The following RTL9 variants were observed in gnomAD, a reference collection of about 807,000 sequenced individuals.
RTL9 encodes the protein retrotransposon Gag-like protein 9.
Under a neutral mutation model 44.7 loss-of-function variants are expected in RTL9, and 19 were observed. That is an observed-to-expected ratio of 0.42 (90% CI 0.30 to 0.62). The LOEUF (loss-of-function observed/expected upper bound fraction) is 0.62, where lower values mean the gene tolerates loss of function less well. Among genes scored for constraint, RTL9 ranks in the 20% least tolerant of loss-of-function variants. RTL9 has a pLI of 0.16. For missense variants in RTL9, 1,105 were observed against 1,080.6 expected, an observed-to-expected ratio of 1.02 and a Z score of -0.32; for synonymous variants, 407 against 398.9, an observed-to-expected ratio of 1.02 and a Z score of -0.24.
At chrX:110,433,697 A>C (rs2068815460) in intron 1 of RTL9, among the ~76,000 whole-genome samples, 2 of 111,709 alleles carry the variant, frequency 1.8e-5, no homozygotes, top group Admixed American at 1.9e-4. Flanking sequence ...AGCTTAGGAC[A>C]GTGACACTTT....
At chrX:110,415,065 G>T (rs775722753), upstream of RTL9, among the ~76,000 whole-genome samples, 8 of 112,082 alleles carry the variant, frequency 7.1e-5, no homozygotes, top group East Asian at 2.2e-3. Context: ...ATCCCAGTGT[G>T]TTATAATTTC....
chrX:110,379,119 G>A (rs1044965940), intron 1 of RTL9, among the ~76,000 whole-genome samples: 7 of 111,420 alleles, frequency 6.3e-5, no homozygotes, highest in African/African-American at 2.3e-4. Flanking sequence ...CATGATACTC[G>A]TTATCATACC....
rs904352397 is a variant in RTL9 at position 110,362,210 on chromosome X, G to T, written c.-168+3294G>T. 2.7e-5 allele frequency among the ~76,000 whole-genome samples: 3 copies of T among 111,637 alleles called. No homozygotes were observed. The Admixed American group carries it at 2.9e-4, about 11-fold the overall frequency. The stretch of plus-strand genomic sequence containing the variant: ...ACAAAATCTAGCTTTGGATGGGTTT[G>T]CAGCATATCAACTCTCCTTCCTTCT... On this transcript the variant is annotated intron_variant, in intron 1 of 2. Coordinates refer to the RTL9 transcript ENST00000520821.
intron 1 of RTL9, among the ~76,000 whole-genome samples, chrX:110,362,743 T>C (rs1394544159): frequency 1.8e-5 from 2 of 112,178 alleles, no homozygotes; most frequent in Non-Finnish European, 1.9e-5. Flanking sequence ...ACTAAAGATA[T>C]CCTGTAGTTA....
intron 1 of RTL9, among the ~76,000 whole-genome samples, chrX:110,431,323 C>CTGTGTGTGTGTGTG (rs759432836): frequency 2.6e-4 from 25 of 94,947 alleles, no homozygotes; most frequent in Admixed American, 4.6e-4. Flanking sequence ...GAGGGGAAGG[C>CTGTGTGTGTGTGTG]TGTGTGTGTG....
intron 1 of RTL9, among the ~76,000 whole-genome samples, chrX:110,368,774 G>A (rs767763061): frequency 5.4e-5 from 6 of 111,817 alleles, no homozygotes; most frequent in Non-Finnish European, 7.5e-5. Flanking sequence ...AGTGTGTAAT[G>A]TGGTAGCTGG....
chrX:110,388,803 G>A (rs2068475386), intron 1 of RTL9, among the ~76,000 whole-genome samples: 1 of 111,716 alleles, frequency 9.0e-6, no homozygotes, highest in African/African-American at 3.3e-5. Flanking sequence ...CCAAGTAGTT[G>A]GCTCAAGAGT....
intron 1 of RTL9, among the ~76,000 whole-genome samples, chrX:110,362,186 C>T (rs1361849021): frequency 1.8e-5 from 2 of 111,820 alleles, no homozygotes; most frequent in African/African-American, 6.5e-5. Flanking sequence ...GAATCCTGAA[C>T]AAAATCTAGC....
intron 1 of RTL9, among the ~76,000 whole-genome samples, chrX:110,423,199 A>T (rs1175878453): frequency 9.0e-6 from 1 of 111,038 alleles, no homozygotes; most frequent in Admixed American, 9.5e-5. Flanking sequence ...GTGGTGGAAC[A>T]TGCCTGTAAT....
At chrX:110,429,565 C>T (rs2068782223) in intron 1 of RTL9, among the ~76,000 whole-genome samples, 1 of 109,014 alleles carries the variant, frequency 9.2e-6, no homozygotes, top group African/African-American at 3.4e-5. Flanking sequence ...TCACTGCAAC[C>T]TCCGCCTCCT....
exon 1 of RTL9, chrX:110,452,243 A>G: frequency 8.3e-7 from 1 of 1,211,856 alleles, no homozygotes; most frequent in Non-Finnish European, 1.1e-6. Context: ...TGCAAATGAG[A>G]GCCCCTGTCT....
At chrX:110,434,913 C>T (rs1226352447) in intron 1 of RTL9, among the ~76,000 whole-genome samples, 2 of 109,253 alleles carry the variant, frequency 1.8e-5, no homozygotes, top group Non-Finnish European at 3.8e-5. Flanking sequence ...TGGGGGACAC[C>T]AGCCCGGAGT....
chrX:110,361,177 C>G (rs1443291110), intron 1 of RTL9, among the ~76,000 whole-genome samples: 1 of 111,241 alleles, frequency 9.0e-6, no homozygotes, highest in African/African-American at 3.3e-5. Flanking sequence ...TCCCTAAATA[C>G]CAATTTCATT....
chrX:110,391,608 C>T (rs2068494038), intron 1 of RTL9, among the ~76,000 whole-genome samples: 1 of 112,071 alleles, frequency 8.9e-6, no homozygotes, highest in Admixed American at 9.5e-5. Flanking sequence ...ATGTCTTCTG[C>T]TGTAATTTTC....
At chrX:110,387,885 G>A (rs1163505011) in intron 1 of RTL9, among the ~76,000 whole-genome samples, 2 of 87,009 alleles carry the variant, frequency 2.3e-5, no homozygotes, top group African/African-American at 4.7e-5. Context: ...TTTTTGAGAC[G>A]GTGTCTCACT....
At chrX:110,432,858 G>A in intron 1 of RTL9, among the ~76,000 whole-genome samples, 1 of 113,004 alleles carries the variant, frequency 8.8e-6, no homozygotes, top group East Asian at 2.8e-4. Flanking sequence ...TTGGCAAAGA[G>A]CTTTCACAGC....
rs142031687 is a variant in RTL9, at chrX:110,454,572, G to C, written c.3955G>C (p.Gly1319Arg). The C allele has an allele frequency of 3.5e-5, 42 of 1,210,259 alleles. No individual in the cohort carries two copies. The African/African-American group carries it at 6.3e-4, about 18-fold the overall frequency. The change falls in exon 1 of 2, where the codon GGC becomes CGC. Residue 1319 changes from glycine to arginine, a missense_variant. Gly to Arg is a moderately radical substitution (Grantham distance 125). Coordinates refer to ENST00000540313, the Ensembl canonical transcript of RTL9. Reference sequence around the variant, plus strand: ...GCTGGCTGAAGAGAAGGATTCCCCAGGCAACTCAAGCCAGGTTCTGCCAAC... The same window carrying C: ...GCTGGCTGAAGAGAAGGATTCCCCACGCAACTCAAGCCAGGTTCTGCCAAC...
chrX:110,370,314 T>C (rs2068329100), intron 1 of RTL9, among the ~76,000 whole-genome samples: 1 of 111,793 alleles, frequency 8.9e-6, no homozygotes, highest in Admixed American at 9.4e-5. Context: ...GTTCAAGCAA[T>C]TGTCCTGCCT....
Position 110,452,946 on chromosome X carries a change from C to T in RTL9, c.2329C>T (p.Pro777Ser), listed in dbSNP as rs35495390. 3,073 of 1,209,143 alleles carry T rather than the reference C, an allele frequency of 2.5e-3. 41 individuals carry two copies. The African/African-American group carries it at 0.048, about 19-fold the overall frequency. The stretch of plus-strand genomic sequence containing the variant: ...CACACCACTAATGAGAACCTCAGAC[C>T]CTGGAGAGAGGCCCTCACTGCTCAC... Residue 777 changes from proline to serine, a missense_variant, in exon 1 of 2, where the codon CCT becomes TCT. By Grantham distance (74) the Pro-to-Ser change is moderately conservative. Coordinates refer to ENST00000540313, the Ensembl canonical transcript of RTL9.
Sources: allele counts gnomAD v4.1 joint callset (sites outside exome capture counted in the v4.1 genomes callset), GRCh38; gene constraint gnomAD v4.1.1; transcripts MANE v1.5; gene names NCBI Gene and HGNC (gene_info 2026-07-23, HGNC 2026-07-21).